Variants in GPC6 observed in about 807,000 individuals in gnomAD.
GPC6 encodes the protein glypican 6.
In GPC6, 14 loss-of-function variants were observed where a neutral mutation model predicts 55.2. The ratio of observed to expected loss-of-function variants is 0.25; its 90% CI spans 0.17 to 0.40. GPC6 has a LOEUF of 0.40. Among genes scored for constraint, GPC6 ranks in the 10% least tolerant of loss-of-function variants. GPC6 has a pLI of 1.00. For synonymous variants in GPC6, 278 were observed against 259.6 expected, an observed-to-expected ratio of 1.07 and a Z score of -0.68; for missense variants, 641 against 708.5, an observed-to-expected ratio of 0.90 and a Z score of 1.08.
At chr13:93,764,680 G>A (rs1885058407) in intron 2 of GPC6, among the ~76,000 whole-genome samples, 1 of 152,064 alleles carries the variant, frequency 6.6e-6, no homozygotes, top group Admixed American at 6.6e-5. Context: ...ACCATTGTGT[G>A]AGGTTAGAGG....
At chr13:93,446,729 C>G (rs1412657519) in intron 1 of GPC6, among the ~76,000 whole-genome samples, 2 of 152,156 alleles carry the variant, frequency 1.3e-5, no homozygotes, top group African/African-American at 4.8e-5. Flanking sequence ...GAAATTGTCT[C>G]TTGCTGTTAG....
At chr13:93,605,825 G>C (rs1249694265) in intron 2 of GPC6, among the ~76,000 whole-genome samples, 4 of 137,284 alleles carry the variant, frequency 2.9e-5, no homozygotes, top group Non-Finnish European at 6.1e-5. Flanking sequence ...CTGGGTGACA[G>C]AGCGAGACCG....
intron 4 of GPC6, among the ~76,000 whole-genome samples, chr13:94,094,063 G>A (rs987450744): frequency 1.5e-3 from 6 of 4,118 alleles, no homozygotes; most frequent in East Asian, 0.071. Context: ...TGCCTTTTTC[G>A]AAATGAATTG....
intron 1 of GPC6, among the ~76,000 whole-genome samples, chr13:93,344,273 C>A (rs1880359444): frequency 6.6e-6 from 1 of 152,156 alleles, no homozygotes; most frequent in Non-Finnish European, 1.5e-5. Flanking sequence ...AGGGACATTT[C>A]CTGCAAGTGG....
chr13:93,474,895 G>T (rs1464380425), intron 1 of GPC6, among the ~76,000 whole-genome samples: 2 of 152,154 alleles, frequency 1.3e-5, no homozygotes, highest in Non-Finnish European at 2.9e-5. Flanking sequence ...AGGGATGGTG[G>T]CTATGCTTAT....
rs1019238340 is a variant in GPC6 at position 94,407,156 on chromosome 13, A to G, written c.*3939A>G. 1 of 152,100 alleles carries G rather than the reference A, an allele frequency of 6.6e-6. No individual in the cohort carries two copies. Among genetic ancestry groups the G allele is most frequent in the Admixed American group, 6.5e-5 (1 of 15,282 alleles). The allele number at this position is 152,100 out of a possible 1,614,324, so 9.4% of individuals were successfully genotyped here. ...TTTTGAACTTCATTCAAAGTTGAGT[A>G]GTTACTGGAACCTTTGACATTGCCT... On this transcript the variant is annotated 3_prime_UTR_variant, in exon 9 of 9. Transcript: ENST00000377047.
At chr13:93,920,456 A>C (rs1470795523) in intron 3 of GPC6, among the ~76,000 whole-genome samples, 1 of 152,154 alleles carries the variant, frequency 6.6e-6, no homozygotes, top group Non-Finnish European at 1.5e-5. Flanking sequence ...TGCACAATAG[A>C]AATGTCTACT....
At chr13:94,340,638 G>A (rs966418567) in intron 6 of GPC6, among the ~76,000 whole-genome samples, 4 of 152,318 alleles carry the variant, frequency 2.6e-5, no homozygotes, top group African/African-American at 9.6e-5. Context: ...CCAAAGAAGG[G>A]TTCTACGTAA....
intron 1 of GPC6, among the ~76,000 whole-genome samples, chr13:93,541,801 G>A (rs554956440): frequency 0.055 from 8,266 of 149,870 alleles, 697 homozygotes; most frequent in African/African-American, 0.19. Context: ...TTTTTCATGT[G>A]TTTTTTGGCT....
chr13:93,723,649 A>G (rs2138826352), intron 2 of GPC6, among the ~76,000 whole-genome samples: 1 of 152,118 alleles, frequency 6.6e-6, no homozygotes, highest in Admixed American at 6.6e-5. Flanking sequence ...TGGATAACTG[A>G]TAGACTTCTT....
chr13:93,561,293 T>C (rs1450657446), intron 2 of GPC6, among the ~76,000 whole-genome samples: 1 of 151,560 alleles, frequency 6.6e-6, no homozygotes, highest in Non-Finnish European at 1.5e-5. Context: ...TCTGGGAAAA[T>C]ATCAGATATT....
At chr13:93,463,358 G>A (rs1878774739) in intron 1 of GPC6, among the ~76,000 whole-genome samples, 1 of 152,188 alleles carries the variant, frequency 6.6e-6, no homozygotes, top group African/African-American at 2.4e-5. Context: ...AACTCATCTG[G>A]TAGACCAGAA....
At chr13:93,798,793 C>T (rs1329716146) in intron 2 of GPC6, among the ~76,000 whole-genome samples, 2 of 151,664 alleles carry the variant, frequency 1.3e-5, no homozygotes, top group Non-Finnish European at 2.9e-5. Flanking sequence ...GTGGTGTGTG[C>T]CTGTAATCCC....
At chr13:93,238,727 GT>G in intron 1 of GPC6, among the ~76,000 whole-genome samples, 1 of 151,982 alleles carries the variant, frequency 6.6e-6, no homozygotes, top group Admixed American at 6.6e-5. Flanking sequence ...CTGTGGGTGT[GT>G]CATATATGGC....
Position 94,406,083 on chromosome 13 carries a change from T to C in GPC6, c.*2866T>C, listed in dbSNP as rs2139237810. On this transcript the variant is annotated 3_prime_UTR_variant, in exon 9 of 9. Coordinates refer to ENST00000377047, the MANE Select transcript of GPC6 (RefSeq NM_005708.5). ...TTCCCTAAATTCTGTAATCATATCA[T>C]AACTTTTGTTATGAATAGAGAGGAA... The C allele has an allele frequency of 6.6e-6, 1 of 152,274 alleles. No homozygotes were observed. The highest frequency in any genetic ancestry group is 1.5e-5 in the Non-Finnish European group (1 of 67,974). 9.4% of individuals were successfully genotyped at this position (152,274 alleles called of 1,614,324 possible).
intron 2 of GPC6, among the ~76,000 whole-genome samples, chr13:93,640,312 T>A (rs1879859523): frequency 6.6e-6 from 1 of 152,108 alleles, no homozygotes. Context: ...GAAAAATAAT[T>A]ATCAAGTATT....
At chr13:94,226,270 A>G (rs1049588919) in intron 4 of GPC6, among the ~76,000 whole-genome samples, 1 of 152,186 alleles carries the variant, frequency 6.6e-6, no homozygotes, top group Admixed American at 6.5e-5. Flanking sequence ...ATGTGAGACA[A>G]AAAGAAGTGC....
At chr13:94,083,122 T>C (rs1885158888) in intron 4 of GPC6, among the ~76,000 whole-genome samples, 1 of 152,124 alleles carries the variant, frequency 6.6e-6, no homozygotes, top group African/African-American at 2.4e-5. Context: ...TTTGTTTTCT[T>C]TTGTTTTGTT....
Position 94,286,263 on chromosome 13 carries a change from T to C in GPC6, c.878-86T>C, listed in dbSNP as rs1446861153. Reference sequence around the variant, plus strand: ...AACGTGAATGCACCATTATTTTTCATCCAGTTGTTTTAACAATGTTTAAAC... The same window carrying C: ...AACGTGAATGCACCATTATTTTTCACCCAGTTGTTTTAACAATGTTTAAAC... On this transcript the variant is annotated intron_variant, in intron 4 of 8. Coordinates refer to ENST00000377047, the MANE Select transcript of GPC6 (RefSeq NM_005708.5). The C allele has an allele frequency of 2.2e-6, 3 of 1,394,372 alleles. No individual in the cohort carries two copies. In the African/African-American group the frequency reaches 4.3e-5, roughly 20 times the overall value. The allele number at this position is 1,394,372 out of a possible 1,614,324, so 86.4% of individuals were successfully genotyped here. A position where few individuals can be genotyped will look rare whatever the true frequency, so the allele number is the denominator to read the frequency against.
Sources: allele counts gnomAD v4.1 joint callset (sites outside exome capture counted in the v4.1 genomes callset), GRCh38; gene constraint gnomAD v4.1.1; transcripts MANE v1.5; gene names NCBI Gene and HGNC (gene_info 2026-07-23, HGNC 2026-07-21).